Variants in NOTCH4 observed in about 807,000 individuals in gnomAD.
NOTCH4 encodes the protein neurogenic locus notch homolog protein 4.
A neutral mutation model predicts 189.0 loss-of-function variants in NOTCH4; 138 were observed. That is an observed-to-expected ratio of 0.73 (90% CI 0.64 to 0.84). NOTCH4 has a LOEUF of 0.84. NOTCH4 is among the 40% of genes least tolerant of loss of function. NOTCH4 has a pLI of 0.00. For synonymous variants in NOTCH4, 942 were observed against 1,032.8 expected (o/e 0.91, Z 1.69); for missense variants, 2,286 against 2,605.4 (o/e 0.88, Z 2.67).
chr6:32,196,844 C>T, intron 28 of NOTCH4, 81 bp downstream of exon 28: 1 of 1,533,366 alleles, frequency 6.5e-7, no homozygotes, highest in Non-Finnish European at 8.9e-7. Context: ...TGCCCCTCTG[C>T]TGCACCTATA....
chr6:32,202,411 G>T lies in NOTCH4; in HGVS notation c.3420C>A (p.Cys1140Ter), dbSNP rs542697394. ...TCTCTGAGCAGCTGCCATTGTATAG[G>T]CATGGGGAGGGAGGGCCACAGCCTT... ...APKGCGPPSP[C>*]LYNGSCSETT... Residue 1140 changes from cysteine to a stop codon, truncating the protein, a stop_gained, in exon 21 of 30, where the codon TGC (cysteine) becomes TGA (stop). Coordinates refer to ENST00000375023, the MANE Select transcript of NOTCH4 (RefSeq NM_004557.4). LOFTEE classifies it high-confidence loss of function. This position sits in a 1 kb window ranked among gnomAD's most constrained non-coding sequence, Gnocchi z 5.7. 1 of 1,612,408 alleles carries T rather than the reference G, an allele frequency of 6.2e-7. No individual in the cohort carries two copies. The highest frequency in any genetic ancestry group is 2.2e-5 in the East Asian group (1 of 44,874).
At chr6:32,213,961 G>T in intron 13 of NOTCH4, 121 bp from the exon 14 acceptor site, 1 of 1,436,416 alleles carries the variant, frequency 7.0e-7, no homozygotes, top group Non-Finnish European at 9.6e-7. Flanking sequence ...ATCAACCTCC[G>T]TTCTCACCAC....
intron 18 of NOTCH4, among the ~76,000 whole-genome samples, chr6:32,206,022 G>A (rs1788656471): frequency 6.6e-6 from 1 of 150,856 alleles, no homozygotes; most frequent in Non-Finnish European, 1.5e-5. Context: ...GAGTGACAGA[G>A]CAAGACTCTG....
chr6:32,212,362 T>G lies in NOTCH4; in HGVS notation c.2680+112A>C. 1.0e-6 allele frequency: 1 copy of G among 985,046 alleles called. No individual in the cohort carries two copies. Among genetic ancestry groups the G allele is most frequent in the Non-Finnish European group, 1.5e-6 (1 of 656,280 alleles). The allele number at this position is 985,046 out of a possible 1,614,324, so 61.0% of individuals were successfully genotyped here. On this transcript the variant is annotated intron_variant, in intron 17 of 29. Transcript: ENST00000375023. The surrounding 1 kb of genome is among the most constrained non-coding windows in gnomAD (Gnocchi z 4.4). ...AACTGATTTGTCTGTGTGGTTTTGA[T>G]TCTCAGATGGTTGTTTTGGCCAAAA... is the stretch of plus-strand genomic sequence containing the variant.
rs1037817424 is a variant in NOTCH4 at position 32,198,312 on chromosome 6, G to T, written c.4756+109C>A. 2 of 1,136,174 alleles carry T rather than the reference G, an allele frequency of 1.8e-6. No individual in the cohort carries two copies. The highest frequency in any genetic ancestry group is 2.4e-5 in the East Asian group (1 of 41,634). 70.4% of individuals were successfully genotyped at this position (1,136,174 alleles called of 1,614,324 possible). A position where few individuals can be genotyped will look rare whatever the true frequency, so the allele number is the denominator to read the frequency against. On this transcript the variant is annotated intron_variant, in intron 26 of 29. Transcript: ENST00000375023. The surrounding 1 kb of genome is among the most constrained non-coding windows in gnomAD (Gnocchi z 5.5). ...ACACTTTGAGAATCATTGTTCTAAG[G>T]CACTCAGTCTAAAATTATTTCCTCT...
intron 18 of NOTCH4, among the ~76,000 whole-genome samples, chr6:32,209,351 G>C (rs955803073): frequency 6.6e-6 from 1 of 152,164 alleles, no homozygotes; most frequent in Non-Finnish European, 1.5e-5. Context: ...GGTTAGAAAG[G>C]GTGGCAGGGA....
In NOTCH4 at chr6:32,200,778, A is replaced by T; in HGVS notation, c.4315+53T>A. 1 of 1,454,528 alleles carries T rather than the reference A, an allele frequency of 6.9e-7. No individual in the cohort carries two copies. Among genetic ancestry groups the T allele is most frequent in the Admixed American group, 2.3e-5 (1 of 42,838 alleles). 90.1% of individuals were successfully genotyped at this position (1,454,528 alleles called of 1,614,324 possible). Reference sequence around the variant, plus strand: ...TCAGCCTCCATTGCCTGTTGCTAGCATGAGAGCTGGCCTGGGAACAGAGGT... The same window carrying T: ...TCAGCCTCCATTGCCTGTTGCTAGCTTGAGAGCTGGCCTGGGAACAGAGGT... On this transcript the variant is annotated intron_variant, in intron 23 of 29. Coordinates refer to ENST00000375023, the MANE Select transcript of NOTCH4 (RefSeq NM_004557.4). The surrounding 1 kb of genome is among the most constrained non-coding windows in gnomAD (Gnocchi z 5.0).
intron 1 of NOTCH4, 64 bp downstream of exon 1, chr6:32,223,792 C>T: frequency 6.5e-7 from 1 of 1,532,324 alleles, no homozygotes; most frequent in Non-Finnish European, 8.9e-7. Flanking sequence ...CCCTCTTCCC[C>T]CACCCCACTG....
Position 32,203,888 on chromosome 6 carries a change from A to T in NOTCH4, c.3119-6T>A. 1.9e-6 allele frequency: 3 copies of T among 1,551,116 alleles called. No individual in the cohort carries two copies. The highest frequency in any genetic ancestry group is 2.6e-6 in the Non-Finnish European group (3 of 1,146,706). On this transcript the variant is annotated splice_polypyrimidine_tract_variant and splice_region_variant and intron_variant, in intron 19 of 29. Coordinates refer to ENST00000375023, the MANE Select transcript of NOTCH4 (RefSeq NM_004557.4). ...CTCCACCTCACACCACTGGCCTGTA[A>T]TTATGGGGGAGATTAGATGTCACAC...
Position 32,202,201 on chromosome 6 carries a change from G to A in NOTCH4, c.3630C>T (p.Pro1210=), listed in dbSNP as rs918817628. The part of the protein sequence containing the change: ...GGDCSLGVPD[P]WKGCPSHSRC... ...GAGAGTGGGAGGGGCAGCCCTTCCA[G>A]GGGTCTGGGACTCCCAGAGAGCAGT... The change falls in exon 21 of 30, where the codon CCC becomes CCT. Residue 1210 remains proline (P), a synonymous_variant. Coordinates refer to ENST00000375023, the MANE Select transcript of NOTCH4 (RefSeq NM_004557.4). The surrounding 1 kb of genome is among the most constrained non-coding windows in gnomAD (Gnocchi z 5.7). 3.9e-6 allele frequency: 6 copies of A among 1,530,618 alleles called. No homozygotes were observed. Among genetic ancestry groups the A allele is most frequent in the Non-Finnish European group, 5.3e-6 (6 of 1,138,114 alleles). 94.8% of individuals were successfully genotyped at this position (1,530,618 alleles called of 1,614,324 possible). A position where few individuals can be genotyped will look rare whatever the true frequency, so the allele number is the denominator to read the frequency against.
chr6:32,195,513 C>A lies in NOTCH4; in HGVS notation c.5936G>T (p.Gly1979Val). ...PPCLTPSPERGSPQLDCGPPA... is the reference protein window; with the variant it reads ...PPCLTPSPERVSPQLDCGPPA... ...GGGACCACAGTCAAGTTGAGGTGAT[C>A]CCCGCTCCGGGGACGGAGTAAGGCA... is the stretch of plus-strand genomic sequence containing the variant. Residue 1979 changes from glycine to valine, a missense_variant, in exon 30 of 30, where the codon GGA becomes GTA. Around this residue, in one of 2 missense-constraint regions of NOTCH4, gnomAD observed 383 missense variants for 343.5 expected, o/e 1.11. Transcript: ENST00000375023. The surrounding 1 kb of genome is among the most constrained non-coding windows in gnomAD (Gnocchi z 5.4). 3 of 1,613,014 alleles carry A rather than the reference C, an allele frequency of 1.9e-6. No individual in the cohort carries two copies. The highest frequency in any genetic ancestry group is 1.7e-5 in the Admixed American group (1 of 60,022).
chr6:32,219,495 A>G (rs771697222), intron 8 of NOTCH4, 97 bp downstream of exon 8: 43 of 1,142,834 alleles, frequency 3.8e-5, no homozygotes, highest in Non-Finnish European at 4.8e-5. Flanking sequence ...ACTTACGCCA[A>G]TTGGCCTGAA....
chr6:32,219,297 C>A (rs1402081762), intron 8 of NOTCH4, among the ~76,000 whole-genome samples: 1 of 152,212 alleles, frequency 6.6e-6, no homozygotes, highest in Non-Finnish European at 1.5e-5. Flanking sequence ...CTTCTACCCT[C>A]TCTTGCTGGG....
Position 32,195,301 on chromosome 6 carries a change from GC to G in NOTCH4, c.*135del, listed in dbSNP as rs1402236944. 6.4e-6 allele frequency: 5 copies of G among 780,022 alleles called. No individual in the cohort carries two copies. Among genetic ancestry groups the G allele is most frequent in the Non-Finnish European group, 1.0e-5 (5 of 501,318 alleles). The allele number at this position is 780,022 out of a possible 1,614,324, so 48.3% of individuals were successfully genotyped here. A position where few individuals can be genotyped will look rare whatever the true frequency, so the allele number is the denominator to read the frequency against. ...ACGTGGAAGATGTCTGCTCTGGTGGGCATACATTCATTTTAGGAGAGAAACT... is the reference window on the plus strand; with the variant it reads ...ACGTGGAAGATGTCTGCTCTGGTGGGATACATTCATTTTAGGAGAGAAACT... On this transcript the variant is annotated 3_prime_UTR_variant, in exon 30 of 30. Coordinates refer to ENST00000375023, the MANE Select transcript of NOTCH4 (RefSeq NM_004557.4). The surrounding 1 kb of genome is among the most constrained non-coding windows in gnomAD (Gnocchi z 5.4).
chr6:32,195,870 CGCGGCAGAGCCCCGCCCCCAT>C lies in NOTCH4; in HGVS notation c.5558_5578del (p.His1853_Pro1859del), dbSNP rs1561908451. On this transcript the variant is annotated inframe_deletion, in exon 30 of 30. Transcript: ENST00000375023. The surrounding 1 kb of genome is among the most constrained non-coding windows in gnomAD (Gnocchi z 5.4). ...TGCTCCGGCTGACAGCGTCCGGCAG[CGCGGCAGAGCCCCGCCCCCAT>C]GCGGGGGCACGCTTACTGACACCGT... 1 of 1,594,032 alleles carries C rather than the reference CGCGGCAGAGCCCCGCCCCCAT, an allele frequency of 6.3e-7. No individual in the cohort carries two copies. The highest frequency in any genetic ancestry group is 1.7e-5 in the Admixed American group (1 of 59,326).
In NOTCH4 at chr6:32,210,857, A is replaced by AG. The variant is rs761063325; in HGVS notation, c.2759dup (p.Gly921TrpfsTer15). 1.2e-6 allele frequency: 2 copies of AG among 1,612,888 alleles called. No individual in the cohort carries two copies. Among genetic ancestry groups the AG allele is most frequent in the Non-Finnish European group, 1.7e-6 (2 of 1,179,946 alleles). ...CCTGGCACAGGCTGCCTTGGAATCC[A>AG]GGGGGGCAGTGGCAGAAATAGGAGG... On this transcript the variant is annotated frameshift_variant, in exon 18 of 30. Coordinates refer to ENST00000375023, the MANE Select transcript of NOTCH4 (RefSeq NM_004557.4). LOFTEE classifies it high-confidence loss of function. This position sits in a 1 kb window ranked among gnomAD's most constrained non-coding sequence, Gnocchi z 4.8.
In NOTCH4 at chr6:32,221,218, C is replaced by G; in HGVS notation, c.559G>C (p.Glu187Gln). ...QIQCHCPPGF[E>Q]GHACERDVNE... ...ACATCACGTTCACAGGCATGGCCCT[C>G]GAAGCCCGGTGGGCAGTGGCACTGG... is the stretch of plus-strand genomic sequence containing the variant. The change falls in exon 4 of 30, where the codon GAG becomes CAG. Residue 187 changes from glutamate to glutamine, a missense_variant. Physicochemically the swap from Glu to Gln is conservative, Grantham distance 29. This residue lies in a region of NOTCH4 where 1,903 missense variants were observed against 2,261.9 expected (regional missense o/e 0.84). Coordinates refer to ENST00000375023, the MANE Select transcript of NOTCH4 (RefSeq NM_004557.4). This position sits in a 1 kb window ranked among gnomAD's most constrained non-coding sequence, Gnocchi z 4.3. The G allele has an allele frequency of 6.2e-7, 1 of 1,613,084 alleles. No homozygotes were observed. The highest frequency in any genetic ancestry group is 1.1e-5 in the South Asian group (1 of 91,082).
Position 32,201,173 on chromosome 6 carries a change from C to T in NOTCH4, c.4083G>A (p.Glu1361=), listed in dbSNP as rs371234103. 31 of 1,612,884 alleles carry T rather than the reference C, an allele frequency of 1.9e-5. No homozygotes were observed. Among genetic ancestry groups the T allele is most frequent in the Non-Finnish European group, 2.5e-5 (30 of 1,179,914 alleles). The change falls in exon 22 of 30, where the codon GAG becomes GAA. Residue 1361 remains glutamate (E), a synonymous_variant. Coordinates refer to ENST00000375023, the MANE Select transcript of NOTCH4 (RefSeq NM_004557.4). This position sits in a 1 kb window ranked among gnomAD's most constrained non-coding sequence, Gnocchi z 5.5. ...LGGTRDPTYQ[E]RAAPQTQPLG... ...GGGGCTGCGTTTGAGGGGCTGCTCT[C>T]TCCTGATAGGTGGGGTCCCGAGTTC...
chr6:32,208,933 G>T (rs561273036), intron 18 of NOTCH4, among the ~76,000 whole-genome samples: 1 of 152,148 alleles, frequency 6.6e-6, no homozygotes, highest in Non-Finnish European at 1.5e-5. Flanking sequence ...TCAGTATCTT[G>T]AAGAGATATC....
Sources: gnomAD v4.1 joint callset for allele counts (sites outside exome capture counted in the v4.1 genomes callset) on GRCh38, gnomAD v4.1.1 for gene constraint, gnomAD v4.1.1 regional missense constraint, Gnocchi (gnomAD v3.1) non-coding constraint, MANE v1.5 for transcripts, NCBI Gene and HGNC (gene_info 2026-07-23, HGNC 2026-07-21) for gene names.